Variants in SRRM3 observed in about 807,000 individuals in gnomAD.
SRRM3 encodes serine/arginine repetitive matrix 3.
Under a neutral mutation model 66.2 loss-of-function variants are expected in SRRM3, and 27 were observed. The ratio of observed to expected loss-of-function variants is 0.41; its 90% CI spans 0.30 to 0.56. The LOEUF is 0.56. Among genes scored for constraint, SRRM3 ranks in the 20% least tolerant of loss-of-function variants. The pLI, the probability that SRRM3 is intolerant of heterozygous loss-of-function variation, is 0.32. For missense variants in SRRM3, 918 were observed against 991.9 expected, an observed-to-expected ratio of 0.93 and a Z score of 1.00; for synonymous variants, 391 against 414.9, an observed-to-expected ratio of 0.94 and a Z score of 0.70.
rs1438026406 is a variant in SRRM3 at position 76,229,745 on chromosome 7, T to C, written c.-39-5283T>C. Among the ~76,000 whole-genome samples the C allele has an allele frequency of 6.8e-5, 9 of 131,988 alleles. No individual in the cohort carries two copies. In the East Asian group the frequency reaches 2.2e-3, roughly 32 times the overall value. The allele number at this position is 131,988 out of a possible 152,430, so 86.6% of individuals were successfully genotyped here. ...TTTCACTTTCTTCTTCTTCTTCTTT[T>C]TTTTTTTTTTTTTTTTGAGACGGAG... On this transcript the variant is annotated intron_variant, in intron 1 of 14. Coordinates refer to ENST00000611745, the MANE Select transcript of SRRM3 (RefSeq NM_001110199.3).
intron 1 of SRRM3, among the ~76,000 whole-genome samples, chr7:76,209,742 C>T (rs373145534): frequency 4.0e-4 from 60 of 151,892 alleles, no homozygotes; most frequent in Admixed American, 1.1e-3. Context: ...GTGGCTGGGA[C>T]GACAGGCATG....
intron 10 of SRRM3, among the ~76,000 whole-genome samples, chr7:76,265,859 T>TATATA (rs1491492869): frequency 3.8e-4 from 2 of 5,286 alleles, no homozygotes; most frequent in Non-Finnish European, 4.8e-4. Flanking sequence ...TATATATATA[T>TATATA]TTTTTTTTTT....
chr7:76,264,865 C>T (rs1554609273), intron 9 of SRRM3, 50 bp downstream of exon 9: 1 of 1,583,700 alleles, frequency 6.3e-7, no homozygotes, highest in Non-Finnish European at 8.7e-7. Context: ...CCCTCCCGCC[C>T]CAGCAAACTA....
chr7:76,282,294 AC>A (rs1228003053), intron 12 of SRRM3, among the ~76,000 whole-genome samples: 1 of 47,776 alleles, frequency 2.1e-5, no homozygotes, highest in Non-Finnish European at 3.9e-5. Context: ...ACCCTGAGCT[AC>A]CCCCGGTTAT....
intron 1 of SRRM3, among the ~76,000 whole-genome samples, chr7:76,222,204 C>A (rs1251219878): frequency 6.6e-6 from 1 of 152,006 alleles, no homozygotes; most frequent in African/African-American, 2.4e-5. Context: ...TTGCTTGAGT[C>A]CAGGAGTTAG....
intron 2 of SRRM3, among the ~76,000 whole-genome samples, chr7:76,238,388 G>A (rs782356688): frequency 2.6e-4 from 40 of 151,980 alleles, no homozygotes; most frequent in Non-Finnish European, 5.0e-4. Context: ...CCGGGTTCTC[G>A]GGCATTTGAC....
intron 2 of SRRM3, among the ~76,000 whole-genome samples, chr7:76,243,596 C>T (rs868948427): frequency 6.6e-6 from 1 of 152,164 alleles, no homozygotes; most frequent in Non-Finnish European, 1.5e-5. Context: ...CATTTGTGCC[C>T]ATTTCCCAGC....
intron 1 of SRRM3, among the ~76,000 whole-genome samples, chr7:76,231,936 G>A (rs1033566435): frequency 6.6e-6 from 1 of 152,194 alleles, no homozygotes; most frequent in South Asian, 2.1e-4. Context: ...GGAAGTAAGG[G>A]CATGCATTTG....
rs113377523 is a variant in SRRM3 at position 76,276,296 on chromosome 7, C to T, written c.1009-5145C>T. Among the ~76,000 whole-genome samples the T allele has an allele frequency of 7.4e-4, 113 of 152,186 alleles. 1 individual carries two copies. The highest frequency in any genetic ancestry group is 2.6e-3 in the African/African-American group (108 of 41,518). On this transcript the variant is annotated intron_variant, in intron 11 of 14. Coordinates refer to ENST00000611745, the MANE Select transcript of SRRM3 (RefSeq NM_001110199.3). Reference sequence around the variant, plus strand: ...CCAGGCCCCATCTGGATGTCCATGCCAGGAGAGAGGCAGGCAGACCTGGGC... The same window carrying T: ...CCAGGCCCCATCTGGATGTCCATGCTAGGAGAGAGGCAGGCAGACCTGGGC...
intron 1 of SRRM3, among the ~76,000 whole-genome samples, chr7:76,225,495 C>A (rs1013973648): frequency 3.1e-4 from 44 of 143,960 alleles, no homozygotes; most frequent in Admixed American, 9.4e-4. Context: ...CTTTCCCCGG[C>A]AAAAGAGGCT....
chr7:76,223,849 TCCC>T (rs1800782572), intron 1 of SRRM3, among the ~76,000 whole-genome samples: 1 of 81,022 alleles, frequency 1.2e-5, no homozygotes, highest in South Asian at 5.1e-4. Flanking sequence ...TCCCTTCCCT[TCCC>T]TTCCCTTCCC....
In SRRM3 at chr7:76,281,536, G is replaced by C; in HGVS notation, c.1104G>C (p.Ser368=). The C allele has an allele frequency of 1.7e-6, 2 of 1,158,618 alleles. No homozygotes were observed. The highest frequency in any genetic ancestry group is 2.1e-6 in the Non-Finnish European group (2 of 940,426). The allele number at this position is 1,158,618 out of a possible 1,614,324, so 71.8% of individuals were successfully genotyped here. A position where few individuals can be genotyped will look rare whatever the true frequency, so the allele number is the denominator to read the frequency against. ...ARGKESPSPR[S]APSSQGRGGR... is the part of the protein sequence containing the mutation. ...GGAAGGAGAGCCCGAGCCCGCGCTC[G>C]GCGCCGTCGTCCCAAGGTCGCGGAG... is the stretch of plus-strand genomic sequence containing the variant. Residue 368 remains serine (S), a synonymous_variant, in exon 12 of 15, where the codon TCG becomes TCC. Transcript: ENST00000611745.
intron 3 of SRRM3, among the ~76,000 whole-genome samples, chr7:76,252,465 G>A (rs1299798656): frequency 6.6e-6 from 1 of 152,184 alleles, no homozygotes; most frequent in Non-Finnish European, 1.5e-5. Context: ...GGGATTATAG[G>A]CATGTGCCAC....
intron 11 of SRRM3, among the ~76,000 whole-genome samples, chr7:76,277,307 G>A (rs531026778): frequency 6.6e-6 from 1 of 152,126 alleles, no homozygotes; most frequent in Non-Finnish European, 1.5e-5. Flanking sequence ...AATGTAGTGG[G>A]AAGTCAGGAG....
chr7:76,229,285 T>C (rs2116982488), intron 1 of SRRM3, among the ~76,000 whole-genome samples: 1 of 152,292 alleles, frequency 6.6e-6, no homozygotes, highest in Non-Finnish European at 1.5e-5. Flanking sequence ...GAATTTCAGA[T>C]AAACAACGGA....
At chr7:76,247,061 C>T (rs1244731522) in intron 2 of SRRM3, among the ~76,000 whole-genome samples, 3 of 152,172 alleles carry the variant, frequency 2.0e-5, no homozygotes, top group African/African-American at 7.2e-5. Flanking sequence ...CCTCCAGGGG[C>T]AGTGTGGACA....
chr7:76,204,856 T>C (rs1242215248), intron 1 of SRRM3, among the ~76,000 whole-genome samples: 1 of 152,170 alleles, frequency 6.6e-6, no homozygotes, highest in Non-Finnish European at 1.5e-5. Flanking sequence ...GAGGATCCCT[T>C]GAGGCCTGGA....
chr7:76,202,564 G>C (rs1563601376), intron 1 of SRRM3, among the ~76,000 whole-genome samples: 1 of 152,160 alleles, frequency 6.6e-6, no homozygotes, highest in East Asian at 1.9e-4. Context: ...GGCAGGAGCT[G>C]GCAAGGAGAA....
At chr7:76,264,639 G>A in intron 8 of SRRM3, 126 bp from the exon 9 acceptor site, 1 of 946,716 alleles carries the variant, frequency 1.1e-6, no homozygotes, top group Non-Finnish European at 1.6e-6. Flanking sequence ...GTCCCCGCCA[G>A]CCATGGGGCT....
Sources: allele counts gnomAD v4.1 joint callset (sites outside exome capture counted in the v4.1 genomes callset), GRCh38; gene constraint gnomAD v4.1.1; transcripts MANE v1.5; gene names NCBI Gene and HGNC (gene_info 2026-07-23, HGNC 2026-07-21).